The following VTI1A variants were observed in gnomAD, a reference collection of about 807,000 sequenced individuals.
VTI1A encodes the protein vesicle transport through interaction with t-SNAREs 1A.
In VTI1A, 22 loss-of-function variants were observed where a neutral mutation model predicts 34.9. The observed-to-expected ratio is 0.63, with a 90% CI of 0.45 to 0.90. The LOEUF (loss-of-function observed/expected upper bound fraction) is 0.90. Ranked by LOEUF, VTI1A falls within the 40% of genes least tolerant of loss-of-function variation. The pLI, the probability that VTI1A is intolerant of heterozygous loss-of-function variation, is 0.00. For synonymous variants in VTI1A, 87 were observed against 97.3 expected, an observed-to-expected ratio of 0.89 and a Z score of 0.62; for missense variants, 268 against 275.6, an observed-to-expected ratio of 0.97 and a Z score of 0.20.
chr10:112,570,219 AAAC>A (rs1424358555), intron 5 of VTI1A, among the ~76,000 whole-genome samples: 6 of 152,162 alleles, frequency 3.9e-5, no homozygotes, highest in Non-Finnish European at 8.8e-5. Flanking sequence ...GGAATCCAAC[AAAC>A]TCTAAACTGG....
At chr10:112,548,796 C>A in intron 5 of VTI1A, 2 of 1,498,062 alleles carry the variant, frequency 1.3e-6, no homozygotes, top group Non-Finnish European at 1.8e-6. Context: ...TGCCAGGAAC[C>A]ATACCAACAA....
intron 3 of VTI1A, among the ~76,000 whole-genome samples, chr10:112,518,954 A>G (rs1410509248): frequency 6.6e-6 from 1 of 151,964 alleles, no homozygotes; most frequent in Non-Finnish European, 1.5e-5. Context: ...AACCGTCAAA[A>G]TGTTTTCATA....
rs761756569 is a variant in VTI1A, at chr10:112,447,384, A to C, written c.11A>C (p.Asp4Ala). Reference protein sequence around the residue: MSSDFEGYEQDFAV... With the variant: MSSAFEGYEQDFAV... ...CGTTCCGGAGCCGCCATGTCGTCCG[A>C]CTTCGAAGGTTACGAGCAGGACTTC... is the stretch of plus-strand genomic sequence containing the variant. The change falls in exon 1 of 8, where the codon GAC becomes GCC. Residue 4 changes from aspartate (D) to alanine (A), a missense_variant. By Grantham distance (126) the Asp-to-Ala change is moderately radical. Coordinates refer to ENST00000393077, the MANE Select transcript of VTI1A (RefSeq NM_145206.4). 6.2e-7 allele frequency: 1 copy of C among 1,613,276 alleles called. No individual in the cohort carries two copies. Among genetic ancestry groups the C allele is most frequent in the Non-Finnish European group, 8.5e-7 (1 of 1,179,918 alleles).
chr10:112,721,636 G>A (rs1240320019), intron 7 of VTI1A, among the ~76,000 whole-genome samples: 1 of 152,166 alleles, frequency 6.6e-6, no homozygotes, highest in Non-Finnish European at 1.5e-5. Context: ...TGGCTCCCAT[G>A]TAGTCCTGTG....
the VTI1A span, among the ~76,000 whole-genome samples, chr10:112,828,409 T>TATC: frequency 6.6e-6 from 1 of 151,952 alleles, no homozygotes; most frequent in Non-Finnish European, 1.5e-5. Flanking sequence ...AAATTATTAT[T>TATC]ATTATTATTA....
At chr10:112,813,282 A>G (rs7078407) in intron 7 of VTI1A, among the ~76,000 whole-genome samples, 46,493 of 152,208 alleles carry the variant, frequency 0.31, 7,596 homozygotes, top group Non-Finnish European at 0.35. Context: ...AGTAACACCC[A>G]CAGTTAATCC....
chr10:112,782,502 G>A (rs1198666849), intron 7 of VTI1A, among the ~76,000 whole-genome samples: 4 of 152,212 alleles, frequency 2.6e-5, no homozygotes, highest in East Asian at 1.9e-4. Flanking sequence ...GATCTTTCCC[G>A]TCGCGGCATA....
chr10:112,735,745 C>T (rs1025696553), intron 7 of VTI1A, among the ~76,000 whole-genome samples: 2 of 151,962 alleles, frequency 1.3e-5, no homozygotes, highest in Non-Finnish European at 2.9e-5. Flanking sequence ...ATTGGCTTTT[C>T]GATTAAATAC....
At chr10:112,705,763 A>T (rs1474633138) in intron 7 of VTI1A, among the ~76,000 whole-genome samples, 1 of 152,186 alleles carries the variant, frequency 6.6e-6, no homozygotes, top group African/African-American at 2.4e-5. Context: ...CCAGAGATGC[A>T]TAAAGGAGGG....
At chr10:112,629,359 A>G (rs949369281) in intron 5 of VTI1A, among the ~76,000 whole-genome samples, 2 of 152,156 alleles carry the variant, frequency 1.3e-5, no homozygotes, top group Non-Finnish European at 2.9e-5. Context: ...TTCCTCCTAC[A>G]CTATTCCTCC....
chr10:112,518,085 A>G (rs1368370408), intron 3 of VTI1A, among the ~76,000 whole-genome samples: 2 of 152,102 alleles, frequency 1.3e-5, no homozygotes, highest in Non-Finnish European at 2.9e-5. Flanking sequence ...ATGGCCAATA[A>G]TTTTGACAAC....
At chr10:112,590,107 C>T (rs1202128842) in intron 5 of VTI1A, among the ~76,000 whole-genome samples, 1 of 152,096 alleles carries the variant, frequency 6.6e-6, no homozygotes, top group Non-Finnish European at 1.5e-5. Flanking sequence ...CTCTTCTACC[C>T]AGATGTTTTT....
chr10:112,826,460 T>G, the VTI1A span: 1 of 152,228 alleles, frequency 6.6e-6, no homozygotes, highest in East Asian at 1.9e-4. Flanking sequence ...CAGAACAGAG[T>G]TAGAACCACC....
intron 7 of VTI1A, among the ~76,000 whole-genome samples, chr10:112,679,184 G>A (rs1848131139): frequency 6.6e-6 from 1 of 152,072 alleles, no homozygotes; most frequent in Admixed American, 6.6e-5. Flanking sequence ...AGTTTTGTCT[G>A]TTGTAAACAA....
At chr10:112,510,583 C>T (rs947112065) in intron 3 of VTI1A, among the ~76,000 whole-genome samples, 4 of 152,130 alleles carry the variant, frequency 2.6e-5, no homozygotes, top group African/African-American at 9.7e-5. Flanking sequence ...CTTCGGTGAG[C>T]TATGACTGTG....
chr10:112,736,117 A>G (rs1460118628), intron 7 of VTI1A, among the ~76,000 whole-genome samples: 3 of 143,252 alleles, frequency 2.1e-5, no homozygotes, highest in African/African-American at 7.9e-5. Context: ...GTGTGTATAT[A>G]TATATATATA....
At chr10:112,532,150 A>G (rs1850468346) in intron 4 of VTI1A, among the ~76,000 whole-genome samples, 1 of 152,210 alleles carries the variant, frequency 6.6e-6, no homozygotes, top group Non-Finnish European at 1.5e-5. Flanking sequence ...TTCATATAAC[A>G]AATGAAATAA....
intron 7 of VTI1A, among the ~76,000 whole-genome samples, chr10:112,760,152 TCTC>T (rs1471155990): frequency 6.6e-6 from 1 of 152,096 alleles, no homozygotes; most frequent in Non-Finnish European, 1.5e-5. Flanking sequence ...ACACAGTAGT[TCTC>T]CCTTATCCAA....
chr10:112,728,030 C>T (rs770811464), intron 7 of VTI1A, among the ~76,000 whole-genome samples: 21 of 152,282 alleles, frequency 1.4e-4, no homozygotes, highest in Non-Finnish European at 2.6e-4. Flanking sequence ...CCTAGCAGCA[C>T]ATCTGTGACA....
Sources: gnomAD v4.1 joint callset for allele counts (sites outside exome capture counted in the v4.1 genomes callset) on GRCh38, gnomAD v4.1.1 for gene constraint, MANE v1.5 for transcripts, NCBI Gene and HGNC (gene_info 2026-07-23, HGNC 2026-07-21) for gene names.